MYRIP: variants seen among roughly 807,000 people sequenced by gnomAD.
MYRIP encodes the protein rab effector MyRIP.
MYRIP carries 49 observed loss-of-function variants against 98.0 expected under a neutral mutation model. That is an observed-to-expected ratio of 0.50 (90% confidence interval 0.40 to 0.63). MYRIP has a LOEUF of 0.63. MYRIP is among the 30% of genes least tolerant of loss of function. The pLI is 0.00. For synonymous variants in MYRIP, 404 were observed against 409.5 expected, an observed-to-expected ratio of 0.99 and a Z score of 0.16; for missense variants, 1,004 against 1,058.2, an observed-to-expected ratio of 0.95 and a Z score of 0.71.
intron 1 of MYRIP, among the ~76,000 whole-genome samples, chr3:39,848,811 T>C (rs1029993138): frequency 1.3e-5 from 2 of 152,190 alleles, no homozygotes; most frequent in African/African-American, 4.8e-5. Flanking sequence ...AGATGACCTC[T>C]TCCCTAAACG....
chr3:40,256,545 T>C (rs542294673), intron 16 of MYRIP, among the ~76,000 whole-genome samples: 2 of 151,810 alleles, frequency 1.3e-5, no homozygotes, highest in South Asian at 4.2e-4. Flanking sequence ...AAAAAAAATA[T>C]TTTGTAAGTC....
At chr3:40,188,916 C>T (rs1003968954) in intron 9 of MYRIP, among the ~76,000 whole-genome samples, 4 of 152,216 alleles carry the variant, frequency 2.6e-5, no homozygotes, top group African/African-American at 9.6e-5. Flanking sequence ...TTCCTATTCA[C>T]CTTAAACAAG....
chr3:39,873,347 A>T (rs1249447297), intron 1 of MYRIP, among the ~76,000 whole-genome samples: 2 of 152,112 alleles, frequency 1.3e-5, no homozygotes, highest in Non-Finnish European at 2.9e-5. Flanking sequence ...GTTTAATGAG[A>T]TCCCATTTGT....
chr3:39,812,684 A>T (rs1301479421), intron 1 of MYRIP, among the ~76,000 whole-genome samples: 4 of 152,258 alleles, frequency 2.6e-5, no homozygotes, highest in Non-Finnish European at 5.9e-5. Flanking sequence ...GTTGACAGAG[A>T]ATCAGAATTT....
intron 1 of MYRIP, among the ~76,000 whole-genome samples, chr3:39,876,145 C>G (rs1942987288): frequency 6.6e-6 from 1 of 152,098 alleles, no homozygotes; most frequent in African/African-American, 2.4e-5. Flanking sequence ...TCTGTTTTAT[C>G]AGAGACTAGC....
intron 1 of MYRIP, among the ~76,000 whole-genome samples, chr3:39,812,010 G>A (rs1437444748): frequency 1.3e-5 from 2 of 152,078 alleles, no homozygotes; most frequent in East Asian, 1.9e-4. Context: ...GACTCTTGCC[G>A]GAAAGCCAAG....
chr3:40,067,739 A>T (rs2125855405), intron 3 of MYRIP, among the ~76,000 whole-genome samples: 1 of 142,340 alleles, frequency 7.0e-6, no homozygotes, highest in African/African-American at 2.6e-5. Flanking sequence ...CGCACGAGAT[A>T]CCCTGAAATG....
chr3:39,835,395 A>C (rs191466886), intron 1 of MYRIP, among the ~76,000 whole-genome samples: 1 of 152,282 alleles, frequency 6.6e-6, no homozygotes, highest in Non-Finnish European at 1.5e-5. Flanking sequence ...CAGCTGAATA[A>C]AAGAATAGAG....
chr3:39,973,757 C>A lies in MYRIP; in HGVS notation c.111-70293C>A, dbSNP rs187500043. 7.8e-4 allele frequency among the ~76,000 whole-genome samples: 118 copies of A among 152,228 alleles called. 1 individual carries two copies. Among genetic ancestry groups the A allele is most frequent in the African/African-American group, 2.6e-3 (110 of 41,542 alleles). On this transcript the variant is annotated intron_variant, in intron 2 of 16. Transcript: ENST00000302541. ...CAGGATTAAGAAACTCATTCAAAAC[C>A]GCCCAACTACATGGAAACTGAACAA...
At chr3:40,152,801 A>G (rs1462004535) in intron 4 of MYRIP, among the ~76,000 whole-genome samples, 1 of 152,032 alleles carries the variant, frequency 6.6e-6, no homozygotes, top group Non-Finnish European at 1.5e-5. Context: ...TATCCTCATT[A>G]TTGTACTAGT....
At chr3:39,943,478 A>C (rs1227114103) in intron 2 of MYRIP, among the ~76,000 whole-genome samples, 39 of 152,184 alleles carry the variant, frequency 2.6e-4, no homozygotes, top group Non-Finnish European at 1.5e-4. Context: ...TAGCTGACCC[A>C]GGGTGGGCTT....
At chr3:40,042,729 T>G (rs974907170) in intron 2 of MYRIP, among the ~76,000 whole-genome samples, 1 of 152,192 alleles carries the variant, frequency 6.6e-6, no homozygotes, top group African/African-American at 2.4e-5. Flanking sequence ...CATAGTAGAA[T>G]GCTGTAGTAA....
intron 12 of MYRIP, chr3:40,238,800 G>A (rs1952902776): frequency 6.6e-6 from 1 of 152,172 alleles, no homozygotes; most frequent in East Asian, 1.9e-4. Flanking sequence ...AGGTTTCAGA[G>A]CTACATAAGA....
chr3:40,105,580 A>G (rs1949036694), intron 3 of MYRIP, among the ~76,000 whole-genome samples: 1 of 152,136 alleles, frequency 6.6e-6, no homozygotes, highest in Non-Finnish European at 1.5e-5. Context: ...GTGAGAACTC[A>G]CTCACTATAC....
At chr3:40,122,993 C>T (rs1257968960) in intron 3 of MYRIP, among the ~76,000 whole-genome samples, 2 of 152,052 alleles carry the variant, frequency 1.3e-5, no homozygotes, top group African/African-American at 4.8e-5. Flanking sequence ...AGCATAGTAC[C>T]CAATAGGTAA....
chr3:40,029,449 G>A (rs1021481077), intron 2 of MYRIP, among the ~76,000 whole-genome samples: 15 of 152,290 alleles, frequency 9.8e-5, no homozygotes, highest in Non-Finnish European at 1.9e-4. Flanking sequence ...TGTGTTAGAA[G>A]ATATGTAAGC....
intron 1 of MYRIP, among the ~76,000 whole-genome samples, chr3:39,872,608 A>G (rs1329243397): frequency 6.7e-6 from 1 of 150,328 alleles, no homozygotes; most frequent in Non-Finnish European, 1.5e-5. Flanking sequence ...TGTCCTTGCG[A>G]TAGTTTACTG....
At chr3:40,090,936 T>C (rs1408725712) in intron 3 of MYRIP, among the ~76,000 whole-genome samples, 2 of 152,138 alleles carry the variant, frequency 1.3e-5, no homozygotes, top group Non-Finnish European at 2.9e-5. Flanking sequence ...GAGGATGCCG[T>C]TTCTTTCTTT....
chr3:39,873,456 A>G (rs367638631), intron 1 of MYRIP, among the ~76,000 whole-genome samples: 16 of 151,968 alleles, frequency 1.1e-4, no homozygotes, highest in East Asian at 3.9e-4. Flanking sequence ...TTCTTCTAGG[A>G]TTTTTATGGT....
Sources: allele counts gnomAD v4.1 joint callset (sites outside exome capture counted in the v4.1 genomes callset), GRCh38; gene constraint gnomAD v4.1.1; transcripts MANE v1.5; gene names NCBI Gene and HGNC (gene_info 2026-07-23, HGNC 2026-07-21).